NEIL2: variants seen among roughly 807,000 people sequenced by gnomAD.
NEIL2 encodes nei like DNA glycosylase 2, also known as endonuclease 8-like 2.
In NEIL2, 23 loss-of-function variants were observed where a neutral mutation model predicts 22.2. That is an observed-to-expected ratio of 1.04 (90% confidence interval 0.75 to 1.47). The LOEUF is 1.47. Ranked by LOEUF, NEIL2 falls within the 40% of genes most tolerant of loss-of-function variation. The pLI is 0.00. For synonymous variants in NEIL2, 229 were observed against 164.8 expected (o/e 1.39, Z -2.99); for missense variants, 583 against 404.7 (o/e 1.44, Z -3.78).
chr8:11,786,579 G>A lies in NEIL2; in HGVS notation c.*306G>A. 2.3e-6 allele frequency: 1 copy of A among 430,666 alleles called. No individual in the cohort carries two copies. Among genetic ancestry groups the A allele is most frequent in the Non-Finnish European group, 4.3e-6 (1 of 232,550 alleles). The allele number at this position is 430,666 out of a possible 1,614,324, so 26.7% of individuals were successfully genotyped here. On this transcript the variant is annotated 3_prime_UTR_variant, in exon 5 of 5. Coordinates refer to ENST00000284503, the MANE Select transcript of NEIL2 (RefSeq NM_145043.4). ...AGGCAATGGGGCAAGGAAAAAGAAA[G>A]CCTATGGGAAATGGCTGTGCTCCCA...
chr8:11,781,495 C>G (rs1047931311), intron 3 of NEIL2, among the ~76,000 whole-genome samples: 1 of 152,198 alleles, frequency 6.6e-6, no homozygotes, highest in African/African-American at 2.4e-5. Context: ...CCCCAGCAAA[C>G]CTGTCATCAT....
intron 2 of NEIL2, among the ~76,000 whole-genome samples, chr8:11,779,060 T>C (rs892814847): frequency 6.6e-6 from 1 of 151,940 alleles, no homozygotes; most frequent in South Asian, 2.1e-4. Flanking sequence ...TGCCTTATAC[T>C]TTTTAGAGTG....
At chr8:11,778,938 C>A (rs1164285580) in intron 2 of NEIL2, among the ~76,000 whole-genome samples, 4 of 34,190 alleles carry the variant, frequency 1.2e-4, no homozygotes, top group Non-Finnish European at 2.6e-4. Context: ...GGCGAGACTC[C>A]ATCTGAAAAA....
chr8:11,774,861 T>C (rs1803773175), intron 2 of NEIL2, among the ~76,000 whole-genome samples: 1 of 152,244 alleles, frequency 6.6e-6, no homozygotes, highest in Admixed American at 6.5e-5. Context: ...ACTCCATGTC[T>C]CTCATCCAGG....
intron 2 of NEIL2, among the ~76,000 whole-genome samples, chr8:11,774,825 A>G (rs1803769940): frequency 6.6e-6 from 1 of 152,246 alleles, no homozygotes; most frequent in South Asian, 2.1e-4. Context: ...AGGCAGTCAA[A>G]TCTTAAAGCT....
intron 4 of NEIL2, 86 bp downstream of exon 4, chr8:11,783,485 C>G (rs1233416085): frequency 1.8e-6 from 2 of 1,105,582 alleles, no homozygotes; most frequent in African/African-American, 1.5e-5. Context: ...TGAGGGCCAC[C>G]CTAGTTGTGC....
chr8:11,773,310 A>G (rs910755882), intron 2 of NEIL2, among the ~76,000 whole-genome samples: 2 of 152,144 alleles, frequency 1.3e-5, no homozygotes, highest in Admixed American at 1.3e-4. Context: ...AACCAAGCAG[A>G]AAACCATGTT....
At chr8:11,780,083 A>G (rs1163736958) in intron 3 of NEIL2, 133 bp downstream of exon 3, 7 of 703,040 alleles carry the variant, frequency 1.0e-5, no homozygotes, top group African/African-American at 1.8e-5. Context: ...TGTCTTGGGG[A>G]GAGAGGCCAC....
At chr8:11,771,059 G>T (rs1652722731) in intron 1 of NEIL2, among the ~76,000 whole-genome samples, 1 of 152,108 alleles carries the variant, frequency 6.6e-6, no homozygotes, top group South Asian at 2.1e-4. Flanking sequence ...GGGAGCAGGG[G>T]GACAGAGAAA....
In NEIL2 at chr8:11,786,165, C is replaced by A. The variant is rs756442785; in HGVS notation, c.891C>A (p.Val297=). 2.5e-6 allele frequency: 4 copies of A among 1,613,962 alleles called. No individual in the cohort carries two copies. The highest frequency in any genetic ancestry group is 2.2e-5 in the South Asian group (2 of 91,068). The stretch of plus-strand genomic sequence containing the variant: ...AACAGTGCCCTGCTGGCCACCAGGT[C>A]ATGAAGGAGGCGTTTGGGCCCGAAG... ...QKEQCPAGHQ[V]MKEAFGPEDG... The change falls in exon 5 of 5, where the codon GTC becomes GTA. Residue 297 remains valine (V), a synonymous_variant. Coordinates refer to ENST00000284503, the MANE Select transcript of NEIL2 (RefSeq NM_145043.4).
At chr8:11,780,839 G>A (rs903499069) in intron 3 of NEIL2, among the ~76,000 whole-genome samples, 3 of 152,212 alleles carry the variant, frequency 2.0e-5, no homozygotes, top group African/African-American at 4.8e-5. Context: ...CCTTAGGAAA[G>A]TGCTAGCTGA....
chr8:11,772,869 C>T (rs8191546), intron 2 of NEIL2, among the ~76,000 whole-genome samples: 2,235 of 152,242 alleles, frequency 0.015, 134 homozygotes, highest in East Asian at 0.14. Flanking sequence ...TGGCACATAA[C>T]GGGTACTCCA....
chr8:11,773,836 A>G (rs8191554), intron 2 of NEIL2, among the ~76,000 whole-genome samples: 1,828 of 152,258 alleles, frequency 0.012, 92 homozygotes, highest in Admixed American at 0.082. Context: ...TGGCTACTCT[A>G]GCTCATGGTT....
At chr8:11,784,027 C>T (rs1414140225) in intron 4 of NEIL2, among the ~76,000 whole-genome samples, 4 of 150,164 alleles carry the variant, frequency 2.7e-5, no homozygotes, top group Non-Finnish European at 4.4e-5. Context: ...GGGACTATGA[C>T]AGCGTGGCGT....
In NEIL2 at chr8:11,779,803, C is replaced by T. The variant is rs754515726; in HGVS notation, c.344C>T (p.Ser115Phe). The change falls in exon 3 of 5, where the codon TCT (serine) becomes TTT (phenylalanine). Residue 115 changes from serine to phenylalanine, a missense_variant. Coordinates refer to ENST00000284503, the MANE Select transcript of NEIL2 (RefSeq NM_145043.4). ...CTCGTCCCCCAGGGCGAGGATGATTCTGAGTATTTGGAGAGAGACGCCCCT... is the reference window on the plus strand; with the variant it reads ...CTCGTCCCCCAGGGCGAGGATGATTTTGAGTATTTGGAGAGAGACGCCCCT... ...AELVPQGEDD[S>F]EYLERDAPAG... 7 of 1,613,996 alleles carry T rather than the reference C, an allele frequency of 4.3e-6. No homozygotes were observed. Among genetic ancestry groups the T allele is most frequent in the Middle Eastern group, 3.3e-4 (2 of 6,084 alleles).
chr8:11,775,157 G>C (rs1469668158), intron 2 of NEIL2, among the ~76,000 whole-genome samples: 2 of 152,236 alleles, frequency 1.3e-5, no homozygotes, highest in African/African-American at 4.8e-5. Flanking sequence ...TTCTCAATGA[G>C]GGCTCTGCCC....
chr8:11,772,454 A>G (rs1803541968), intron 2 of NEIL2, among the ~76,000 whole-genome samples: 1 of 152,042 alleles, frequency 6.6e-6, no homozygotes, highest in Admixed American at 6.5e-5. Flanking sequence ...CTGTTCCCTC[A>G]ATTTATAATG....
At position 11,786,083 on chromosome 8, in the gene NEIL2, C is replaced by T. The variant is rs749355131; in HGVS notation, c.809C>T (p.Ala270Val). 2.5e-6 allele frequency: 4 copies of T among 1,614,178 alleles called. No homozygotes were observed. Among genetic ancestry groups the T allele is most frequent in the Admixed American group, 3.3e-5 (2 of 60,036 alleles). Residue 270 changes from alanine (A) to valine (V), a missense_variant, in exon 5 of 5, where the codon GCC becomes GTC. By Grantham distance (64) the Ala-to-Val change is moderately conservative. Transcript: ENST00000284503. The part of the protein sequence containing the change: ...LVDHVVEFST[A>V]WLQGKFQGRP... Reference sequence around the variant, plus strand: ...GATCACGTGGTGGAGTTCAGTACAGCCTGGCTGCAGGGCAAGTTCCAAGGC... The same window carrying T: ...GATCACGTGGTGGAGTTCAGTACAGTCTGGCTGCAGGGCAAGTTCCAAGGC...
chr8:11,784,592 ACACT>A (rs1804730293), intron 4 of NEIL2, among the ~76,000 whole-genome samples: 1 of 152,220 alleles, frequency 6.6e-6, no homozygotes. Context: ...AAACACACAG[ACACT>A]CACTTGAGCT....
Sources: allele counts gnomAD v4.1 joint callset (sites outside exome capture counted in the v4.1 genomes callset), GRCh38; gene constraint gnomAD v4.1.1; transcripts MANE v1.5; gene names NCBI Gene and HGNC (gene_info 2026-07-23, HGNC 2026-07-21).